The following PTPRD variants were observed in gnomAD, a reference collection of about 807,000 sequenced individuals.
PTPRD encodes the protein protein tyrosine phosphatase receptor type D.
In PTPRD, 34 loss-of-function variants were observed where a neutral mutation model predicts 214.5. The ratio of observed to expected loss-of-function variants is 0.16; its 90% CI spans 0.12 to 0.21. The LOEUF is 0.21. Among genes scored for constraint, PTPRD ranks in the 10% least tolerant of loss-of-function variants. The pLI is 1.00. For missense variants in PTPRD, 2,545 were observed against 2,398.7 expected (o/e 1.06, Z -1.27); for synonymous variants, 1,128 against 845.7 (o/e 1.33, Z -5.79).
At chr9:10,538,912 T>G (rs977216347) in intron 2 of PTPRD, among the ~76,000 whole-genome samples, 1 of 152,174 alleles carries the variant, frequency 6.6e-6, no homozygotes, top group South Asian at 2.1e-4. Context: ...AAGTTTAAGG[T>G]GTTTATAAAT....
intron 11 of PTPRD, among the ~76,000 whole-genome samples, chr9:8,880,630 C>A (rs1566801050): frequency 6.6e-6 from 1 of 151,988 alleles, no homozygotes; most frequent in East Asian, 1.9e-4. Flanking sequence ...TTTTTTTTCC[C>A]TTTGCCAACT....
intron 9 of PTPRD, among the ~76,000 whole-genome samples, chr9:9,258,888 G>A (rs115951073): frequency 0.014 from 2,063 of 151,914 alleles, 49 homozygotes; most frequent in African/African-American, 0.048. Context: ...GGATTTAAAC[G>A]GATATCTAAT....
At chr9:9,017,128 C>G (rs1356189773) in intron 11 of PTPRD, among the ~76,000 whole-genome samples, 2 of 151,992 alleles carry the variant, frequency 1.3e-5, no homozygotes, top group Non-Finnish European at 2.9e-5. Context: ...AACAAAGACC[C>G]TTTGTTGCGA....
Position 9,508,848 on chromosome 9 carries a change from T to C in PTPRD, c.-237+65884A>G, listed in dbSNP as rs369007158. Among the ~76,000 whole-genome samples the C allele has an allele frequency of 2.1e-4, 32 of 151,764 alleles. No homozygotes were observed. The South Asian group carries it at 6.6e-3, about 31-fold the overall frequency. ...CCACTTTTGTGAAATCTTCCTTGAA[T>C]GATCCATTATTAACAAGGCATTATG... is the stretch of plus-strand genomic sequence containing the variant. On this transcript the variant is annotated intron_variant, in intron 8 of 45. Coordinates refer to ENST00000381196, the MANE Select transcript of PTPRD (RefSeq NM_002839.4).
At chr9:9,617,896 C>A (rs1427762028) in intron 7 of PTPRD, among the ~76,000 whole-genome samples, 2 of 151,012 alleles carry the variant, frequency 1.3e-5, no homozygotes, top group Non-Finnish European at 3.0e-5. Context: ...CATGGTGAAA[C>A]CCTGTCTCTA....
At chr9:8,790,937 T>C (rs1370240234) in intron 11 of PTPRD, among the ~76,000 whole-genome samples, 2 of 152,188 alleles carry the variant, frequency 1.3e-5, no homozygotes, top group African/African-American at 4.8e-5. Context: ...ACTAGCTCTA[T>C]ACTGGACAAA....
chr9:9,563,525 T>C (rs561898139), intron 8 of PTPRD, among the ~76,000 whole-genome samples: 2 of 152,146 alleles, frequency 1.3e-5, no homozygotes, highest in Admixed American at 6.6e-5. Context: ...TGCTGAAGAA[T>C]AGACCAATTC....
intron 5 of PTPRD, among the ~76,000 whole-genome samples, chr9:9,922,331 C>T (rs1456022026): frequency 1.3e-5 from 2 of 152,054 alleles, no homozygotes; most frequent in Non-Finnish European, 2.9e-5. Flanking sequence ...TAAATTAAAC[C>T]TGTTAAATGT....
At chr9:9,846,316 C>T (rs2059524316) in intron 5 of PTPRD, among the ~76,000 whole-genome samples, 3 of 152,086 alleles carry the variant, frequency 2.0e-5, no homozygotes, top group Non-Finnish European at 4.4e-5. Flanking sequence ...ATCTCCAATG[C>T]TATGCTCAGT....
chr9:9,069,573 G>A (rs12348024), intron 10 of PTPRD, among the ~76,000 whole-genome samples: 5,648 of 152,274 alleles, frequency 0.037, 153 homozygotes, highest in Non-Finnish European at 0.057. Flanking sequence ...TAGATTGCTG[G>A]CTCCAGCCTT....
chr9:8,604,751 G>A (rs1267377746), intron 14 of PTPRD, among the ~76,000 whole-genome samples: 1 of 152,174 alleles, frequency 6.6e-6, no homozygotes, highest in African/African-American at 2.4e-5. Context: ...GTGGAATAAG[G>A]AGGAAAAGAG....
At chr9:10,425,553 G>C (rs1349796576) in intron 2 of PTPRD, among the ~76,000 whole-genome samples, 2 of 151,906 alleles carry the variant, frequency 1.3e-5, no homozygotes, top group South Asian at 2.1e-4. Flanking sequence ...ACCCACATAA[G>C]AGTCCATAAT....
At position 10,587,655 on chromosome 9, in the gene PTPRD, T is replaced by C. The variant is rs538733820; in HGVS notation, c.-600+24743A>G. On this transcript the variant is annotated intron_variant, in intron 2 of 45. Coordinates refer to ENST00000381196, the MANE Select transcript of PTPRD (RefSeq NM_002839.4). Reference sequence around the variant, plus strand: ...GAGAAGCCAAATGGCCAAGAGCATATAGCTTGTCAGCAGAGAACCCCATTC... The same window carrying C: ...GAGAAGCCAAATGGCCAAGAGCATACAGCTTGTCAGCAGAGAACCCCATTC... 3.3e-5 allele frequency among the ~76,000 whole-genome samples: 5 copies of C among 152,196 alleles called. No individual in the cohort carries two copies. The South Asian group carries it at 8.3e-4, about 25-fold the overall frequency.
chr9:10,324,220 T>C (rs984702150), intron 3 of PTPRD, among the ~76,000 whole-genome samples: 1 of 152,052 alleles, frequency 6.6e-6, no homozygotes, highest in Non-Finnish European at 1.5e-5. Flanking sequence ...TGCAACCCCT[T>C]ATAAGAATAA....
At chr9:10,167,764 G>C (rs1477080610) in intron 3 of PTPRD, among the ~76,000 whole-genome samples, 1 of 152,044 alleles carries the variant, frequency 6.6e-6, no homozygotes, top group Non-Finnish European at 1.5e-5. Context: ...AGTTGATACT[G>C]TGTGATAGAA....
chr9:9,907,782 C>T (rs1176275510), intron 5 of PTPRD, among the ~76,000 whole-genome samples: 1 of 151,916 alleles, frequency 6.6e-6, no homozygotes, highest in Non-Finnish European at 1.5e-5. Flanking sequence ...TAACCATAAG[C>T]ACTCTTTAAA....
chr9:10,322,835 C>A (rs986374301), intron 3 of PTPRD, among the ~76,000 whole-genome samples: 1 of 151,904 alleles, frequency 6.6e-6, no homozygotes, highest in Non-Finnish European at 1.5e-5. Context: ...CAAGTGCCAA[C>A]ATGTCATCAG....
intron 9 of PTPRD, among the ~76,000 whole-genome samples, chr9:9,184,219 C>T (rs2099929996): frequency 6.6e-6 from 1 of 152,040 alleles, no homozygotes; most frequent in Non-Finnish European, 1.5e-5. Context: ...GCATCTTTCC[C>T]TATCACACGT....
chr9:9,967,305 A>G (rs953248696), intron 4 of PTPRD, among the ~76,000 whole-genome samples: 2 of 152,164 alleles, frequency 1.3e-5, no homozygotes, highest in African/African-American at 4.8e-5. Context: ...TATTAGCAAT[A>G]AAGTGACAAA....
Sources: allele counts gnomAD v4.1 joint callset (sites outside exome capture counted in the v4.1 genomes callset), GRCh38; gene constraint gnomAD v4.1.1; transcripts MANE v1.5; gene names NCBI Gene and HGNC (gene_info 2026-07-23, HGNC 2026-07-21).